The following MPZL3 variants were observed in gnomAD, a reference collection of about 807,000 sequenced individuals.
The protein encoded by MPZL3 is myelin protein zero-like protein 3.
MPZL3 carries 23 observed loss-of-function variants against 24.8 expected under a neutral mutation model. That is an observed-to-expected ratio of 0.93 (90% CI 0.67 to 1.31). The LOEUF (loss-of-function observed/expected upper bound fraction) is 1.31. MPZL3 is among the 40% of genes most tolerant of loss of function. MPZL3 has a pLI of 0.00. For missense variants in MPZL3, 277 were observed against 294.9 expected, an observed-to-expected ratio of 0.94 and a Z score of 0.44; for synonymous variants, 99 against 106.5, an observed-to-expected ratio of 0.93 and a Z score of 0.44.
intron 3 of MPZL3, among the ~76,000 whole-genome samples, chr11:118,235,962 T>C (rs1949421119): frequency 1.3e-5 from 2 of 152,210 alleles, no homozygotes; most frequent in Admixed American, 1.3e-4. Context: ...AATCGCTGCA[T>C]AGCATTCTAT....
rs528319734 is a variant in MPZL3, at chr11:118,235,772, C to G, written c.452-183G>C. Reference sequence around the variant, plus strand: ...GAATAAAAATGTACCGATAATCCCACTACCTAGGAAGAACACTTTGGTATC... The same window carrying G: ...GAATAAAAATGTACCGATAATCCCAGTACCTAGGAAGAACACTTTGGTATC... On this transcript the variant is annotated intron_variant, in intron 3 of 5. Transcript: ENST00000278949. Among the ~76,000 whole-genome samples the G allele has an allele frequency of 5.3e-5, 8 of 152,310 alleles. No individual in the cohort carries two copies. In the South Asian group the frequency reaches 1.7e-3, roughly 32 times the overall value.
intron 1 of MPZL3, among the ~76,000 whole-genome samples, chr11:118,243,987 C>T (rs1365408864): frequency 6.6e-6 from 1 of 152,138 alleles, no homozygotes; most frequent in Non-Finnish European, 1.5e-5. Flanking sequence ...TTCCTTCTTC[C>T]CATTCACTTA....
At chr11:118,240,732 G>GACACACACACAC (rs56100329) in intron 1 of MPZL3, among the ~76,000 whole-genome samples, 24 of 121,622 alleles carry the variant, frequency 2.0e-4, no homozygotes, top group Non-Finnish European at 2.4e-4. Context: ...ATCCCCCGCA[G>GACACACACACAC]ACACACACAC....
At chr11:118,241,199 C>T (rs1369617875) in intron 1 of MPZL3, among the ~76,000 whole-genome samples, 1 of 152,216 alleles carries the variant, frequency 6.6e-6, no homozygotes, top group Non-Finnish European at 1.5e-5. Flanking sequence ...ACTTATCTTT[C>T]CCTACAGGGG....
At chr11:118,243,219 T>C (rs963401730) in intron 1 of MPZL3, among the ~76,000 whole-genome samples, 21 of 152,152 alleles carry the variant, frequency 1.4e-4, no homozygotes, top group African/African-American at 4.6e-4. Flanking sequence ...TAGCTTCCCA[T>C]TCCATGATTC....
At chr11:118,237,568 T>C (rs1365849890) in intron 2 of MPZL3, among the ~76,000 whole-genome samples, 7 of 152,074 alleles carry the variant, frequency 4.6e-5, no homozygotes, top group Admixed American at 1.3e-4. Flanking sequence ...GAAGACATTT[T>C]TGATTGTCAC....
intron 1 of MPZL3, among the ~76,000 whole-genome samples, chr11:118,251,274 C>T (rs76935442): frequency 1.7e-4 from 26 of 151,862 alleles, no homozygotes; most frequent in African/African-American, 6.3e-4. Context: ...ATATTAGTCA[C>T]CAGTTAAAAA....
intron 3 of MPZL3, among the ~76,000 whole-genome samples, chr11:118,236,353 G>C (rs1484648388): frequency 6.6e-6 from 1 of 152,016 alleles, no homozygotes; most frequent in African/African-American, 2.4e-5. Context: ...GAGAAAGGAA[G>C]GGAAGATGAG....
chr11:118,252,120 A>C (rs1565498035), intron 1 of MPZL3, 102 bp downstream of exon 1: 3 of 1,150,366 alleles, frequency 2.6e-6, no homozygotes, highest in Admixed American at 1.7e-5. Flanking sequence ...TCCCAGAGCT[A>C]TGCGGGGGCT....
At chr11:118,245,651 T>C (rs1371590797) in intron 1 of MPZL3, among the ~76,000 whole-genome samples, 1 of 152,060 alleles carries the variant, frequency 6.6e-6, no homozygotes, top group Non-Finnish European at 1.5e-5. Context: ...GGTGAGCAAA[T>C]TATGGCCCAT....
intron 1 of MPZL3, 43 bp downstream of exon 1, chr11:118,252,179 A>AC (rs746297625): frequency 1.2e-5 from 20 of 1,605,334 alleles, no homozygotes; most frequent in African/African-American, 9.4e-5. Flanking sequence ...ATCTTCCCTA[A>AC]CCCCCCGGCC....
chr11:118,230,365 C>A (rs1430990848), intron 5 of MPZL3, among the ~76,000 whole-genome samples: 1 of 152,126 alleles, frequency 6.6e-6, no homozygotes, highest in Non-Finnish European at 1.5e-5. Flanking sequence ...TTATTAACTT[C>A]TCTAAGCCTC....
At chr11:118,235,320 A>G (rs1949408638) in intron 4 of MPZL3, 104 bp downstream of exon 4, 8 of 1,342,800 alleles carry the variant, frequency 6.0e-6, no homozygotes, top group Non-Finnish European at 8.1e-6. Context: ...GTTCACCAGC[A>G]GAACTAAACT....
At chr11:118,233,658 G>A (rs1949383000) in intron 4 of MPZL3, 135 bp from the exon 5 acceptor site, 6 of 867,456 alleles carry the variant, frequency 6.9e-6, no homozygotes, top group Non-Finnish European at 5.5e-6. Context: ...GGGTGACTGG[G>A]CAAATTGTTT....
In MPZL3 at chr11:118,227,393, AAAC is replaced by A. The variant is rs1453519009; in HGVS notation, c.*2498_*2500del. On this transcript the variant is annotated 3_prime_UTR_variant, in exon 6 of 6. Coordinates refer to ENST00000278949, the MANE Select transcript of MPZL3 (RefSeq NM_198275.3). Reference sequence around the variant, plus strand: ...CAAACAAGAGGTGAAACAAATAAGTAAACAAAAAAAGACCACTTTATCTTCCTT... The same window carrying A: ...CAAACAAGAGGTGAAACAAATAAGTAAAAAAAAGACCACTTTATCTTCCTT... The A allele has an allele frequency of 3.3e-5, 5 of 152,362 alleles. No individual in the cohort carries two copies. The highest frequency in any genetic ancestry group is 9.6e-5 in the African/African-American group (4 of 41,590). The allele number at this position is 152,362 out of a possible 1,614,324, so 9.4% of individuals were successfully genotyped here.
intron 1 of MPZL3, 83 bp downstream of exon 1, chr11:118,252,139 A>T: frequency 7.1e-7 from 1 of 1,407,948 alleles, no homozygotes; most frequent in Non-Finnish European, 1.0e-6. Context: ...CTTTCTGGAG[A>T]CCCCCCTACC....
intron 2 of MPZL3, among the ~76,000 whole-genome samples, chr11:118,239,567 C>G (rs535749578): frequency 1.3e-5 from 2 of 152,186 alleles, no homozygotes; most frequent in South Asian, 4.1e-4. Context: ...AATTAGACAC[C>G]TACAATGAAA....
intron 2 of MPZL3, 61 bp from the exon 3 acceptor site, chr11:118,237,321 C>T (rs1949439373): frequency 3.5e-6 from 5 of 1,435,502 alleles, no homozygotes; most frequent in African/African-American, 2.8e-5. Context: ...AAATATAAAG[C>T]TCAGTAGGTC....
intron 1 of MPZL3, among the ~76,000 whole-genome samples, chr11:118,244,635 A>G (rs1164434656): frequency 6.6e-6 from 1 of 152,204 alleles, no homozygotes. Context: ...GAGAAAATAG[A>G]ATGAGATGTG....
Sources: allele counts gnomAD v4.1 joint callset (sites outside exome capture counted in the v4.1 genomes callset), GRCh38; gene constraint gnomAD v4.1.1; transcripts MANE v1.5; gene names NCBI Gene and HGNC (gene_info 2026-07-23, HGNC 2026-07-21).